Variants in ZNF736 observed in about 807,000 individuals in gnomAD.
ZNF736 encodes the protein KRAB-containing zinc-finger repressor protein.
In ZNF736, 6 loss-of-function variants were observed where a neutral mutation model predicts 11.7. The observed-to-expected ratio is 0.51, with a 90% CI of 0.28 to 1.01. The LOEUF (loss-of-function observed/expected upper bound fraction) is 1.01, where lower values mean the gene tolerates loss of function less well. ZNF736 is among the 50% of genes least tolerant of loss of function. ZNF736 has a pLI of 0.09. For missense variants in ZNF736, 444 were observed against 496.0 expected (o/e 0.90, Z 1.00); for synonymous variants, 139 against 164.7 (o/e 0.84, Z 1.19).
chr7:64,345,670 G>A (rs1789400251), intron 3 of ZNF736, among the ~76,000 whole-genome samples: 1 of 142,106 alleles, frequency 7.0e-6, no homozygotes, highest in African/African-American at 2.6e-5. Flanking sequence ...GGAGGTGGAG[G>A]TTGCAGTGAG....
intron 1 of ZNF736, among the ~76,000 whole-genome samples, chr7:64,328,478 C>T (rs1789112250): frequency 6.6e-6 from 1 of 152,016 alleles, no homozygotes. Flanking sequence ...TTCAGGTAGT[C>T]GGCCGGGCGC....
intron 1 of ZNF736, among the ~76,000 whole-genome samples, chr7:64,332,730 T>TC (rs901410382): frequency 4.0e-5 from 6 of 151,764 alleles, no homozygotes; most frequent in African/African-American, 7.3e-5. Context: ...TTTATAGACC[T>TC]CCCCCCAGGA....
intron 1 of ZNF736, among the ~76,000 whole-genome samples, chr7:64,319,876 A>G (rs930757132): frequency 6.6e-6 from 1 of 151,878 alleles, no homozygotes; most frequent in African/African-American, 2.4e-5. Flanking sequence ...AATTTTGGAG[A>G]TGGGGCATTT....
chr7:64,352,898 C>G lies in ZNF736; in HGVS notation c.*3751C>G, dbSNP rs1413395981. On this transcript the variant is annotated 3_prime_UTR_variant, in exon 4 of 4. Transcript: ENST00000423484. ...TTGGCTGGAATCTAAGCCAGTAGGT[C>G]TTACCACGTGAGGCATTGTTGAAGT... 4 of 152,432 alleles carry G rather than the reference C, an allele frequency of 2.6e-5. No homozygotes were observed. Among genetic ancestry groups the G allele is most frequent in the Non-Finnish European group, 5.9e-5 (4 of 68,114 alleles). 9.4% of individuals were successfully genotyped at this position (152,432 alleles called of 1,614,324 possible).
chr7:64,322,608 TAA>T (rs1321379092), intron 1 of ZNF736, among the ~76,000 whole-genome samples: 1 of 152,158 alleles, frequency 6.6e-6, no homozygotes, highest in Non-Finnish European at 1.5e-5. Context: ...AAGTTCGCTT[TAA>T]AAAGGACCTG....
Position 64,354,406 on chromosome 7 carries a change from T to C in ZNF736, c.*5259T>C, listed in dbSNP as rs1186738051. ...TGAGAAGAAAAGAAAAATATTAGAA[T>C]GAACAGATAATTTTACAAGTGTTGA... On this transcript the variant is annotated 3_prime_UTR_variant, in exon 4 of 4. Coordinates refer to ENST00000423484, the MANE Select transcript of ZNF736 (RefSeq NM_001170905.3). 2.6e-5 allele frequency: 4 copies of C among 152,206 alleles called. No homozygotes were observed. Among genetic ancestry groups the C allele is most frequent in the Non-Finnish European group, 5.9e-5 (4 of 68,012 alleles). 9.4% of individuals were successfully genotyped at this position (152,206 alleles called of 1,614,324 possible).
chr7:64,338,484 T>G (rs1322667919), intron 3 of ZNF736, among the ~76,000 whole-genome samples: 3 of 152,186 alleles, frequency 2.0e-5, no homozygotes, highest in Non-Finnish European at 4.4e-5. Flanking sequence ...TTGTACCATT[T>G]GAACAACATA....
At chr7:64,342,508 A>G (rs542609567) in intron 3 of ZNF736, among the ~76,000 whole-genome samples, 2 of 152,294 alleles carry the variant, frequency 1.3e-5, no homozygotes, top group South Asian at 4.1e-4. Context: ...CACTAATACC[A>G]TAGGTTACTT....
chr7:64,336,455 G>T, intron 2 of ZNF736, 70 bp downstream of exon 2: 1 of 1,454,464 alleles, frequency 6.9e-7, no homozygotes, highest in South Asian at 1.5e-5. Flanking sequence ...TTTTTTTGGA[G>T]GTTCTGCTTT....
rs1007906663 is a variant in ZNF736, at chr7:64,354,087, T to C, written c.*4940T>C. The C allele has an allele frequency of 3.9e-5, 6 of 152,202 alleles. No individual in the cohort carries two copies. Among genetic ancestry groups the C allele is most frequent in the African/African-American group, 1.4e-4 (6 of 41,456 alleles). The allele number at this position is 152,202 out of a possible 1,614,324, so 9.4% of individuals were successfully genotyped here. A position where few individuals can be genotyped will look rare whatever the true frequency, so the allele number is the denominator to read the frequency against. On this transcript the variant is annotated 3_prime_UTR_variant, in exon 4 of 4. Transcript: ENST00000423484. ...TTAAAATAATTTAGAGAATATGGTT[T>C]CTACAACTTACATTTTTGTTTACTT... is the stretch of plus-strand genomic sequence containing the variant.
intron 1 of ZNF736, among the ~76,000 whole-genome samples, chr7:64,327,731 A>G (rs1156628719): frequency 6.6e-6 from 1 of 152,176 alleles, no homozygotes; most frequent in Admixed American, 6.5e-5. Context: ...TGAGGTTACC[A>G]TGAGGCTTGC....
In ZNF736 at chr7:64,349,225, A is replaced by ATTTTCTCAGCATTTGCT; in HGVS notation, c.*79_*80insTTTCTCAGCATTTGCTT. ...TTAATACTGAACAAATGCAGTATAAATGTAATGACAGTGGAAGAACATTTA... is the reference window on the plus strand; with the variant it reads ...TTAATACTGAACAAATGCAGTATAAATTTTCTCAGCATTTGCTTGTAATGACAGTGGAAGAACATTTA... On this transcript the variant is annotated 3_prime_UTR_variant, in exon 4 of 4. Transcript: ENST00000423484. 1.7e-6 allele frequency: 2 copies of ATTTTCTCAGCATTTGCT among 1,208,320 alleles called. No homozygotes were observed. Among genetic ancestry groups the ATTTTCTCAGCATTTGCT allele is most frequent in the Non-Finnish European group, 2.2e-6 (2 of 890,718 alleles). The allele number at this position is 1,208,320 out of a possible 1,614,324, so 74.8% of individuals were successfully genotyped here.
intron 1 of ZNF736, 25 bp downstream of exon 1, chr7:64,314,178 G>A (rs1289685663): frequency 3.9e-6 from 6 of 1,551,540 alleles, no homozygotes; most frequent in African/African-American, 1.4e-5. Flanking sequence ...TGGGTGTCCC[G>A]AGAATGGGGA....
chr7:64,325,274 G>T (rs899950387), intron 1 of ZNF736, among the ~76,000 whole-genome samples: 1 of 151,762 alleles, frequency 6.6e-6, no homozygotes, highest in African/African-American at 2.4e-5. Flanking sequence ...TTTGTTTTTC[G>T]CCTGTAGAAA....
At chr7:64,326,396 C>G (rs1359676914) in intron 1 of ZNF736, among the ~76,000 whole-genome samples, 1 of 152,174 alleles carries the variant, frequency 6.6e-6, no homozygotes, top group Non-Finnish European at 1.5e-5. Context: ...CCATTCCAGC[C>G]CCATCTTTCA....
rs1789519729 is a variant in ZNF736, at chr7:64,353,699, C to CTCA, written c.*4553_*4554insCAT. On this transcript the variant is annotated 3_prime_UTR_variant, in exon 4 of 4. Coordinates refer to ENST00000423484, the MANE Select transcript of ZNF736 (RefSeq NM_001170905.3). ...GAAGAAATTCTAAGTGGAAAGGCCA[C>CTCA]TTATTAGTTTACAGCAGTATCGTAA... 5 of 22,420 alleles carry CTCA rather than the reference C, an allele frequency of 2.2e-4. No homozygotes were observed. In the South Asian group the frequency reaches 3.4e-3, roughly 15 times the overall value. 1.4% of individuals were successfully genotyped at this position (22,420 alleles called of 1,614,324 possible). A position where few individuals can be genotyped will look rare whatever the true frequency, so the allele number is the denominator to read the frequency against.
At chr7:64,330,370 G>C (rs1789146968) in intron 1 of ZNF736, among the ~76,000 whole-genome samples, 1 of 152,036 alleles carries the variant, frequency 6.6e-6, no homozygotes, top group South Asian at 2.1e-4. Flanking sequence ...TGTTAGCCAG[G>C]ATGGTCTCCA....
At position 64,355,380 on chromosome 7, in the gene ZNF736, T is replaced by A. The variant is rs1789540078; in HGVS notation, c.*6233T>A. 1.3e-5 allele frequency: 1 copy of A among 76,600 alleles called. No individual in the cohort carries two copies. The highest frequency in any genetic ancestry group is 3.1e-5 in the Non-Finnish European group (1 of 31,856). 4.7% of individuals were successfully genotyped at this position (76,600 alleles called of 1,614,324 possible). On this transcript the variant is annotated 3_prime_UTR_variant, in exon 4 of 4. Transcript: ENST00000423484. ...TTTCAAGTAGATTTAATTCTAGATCTTTTTTTTTTTTTCTTTTTTTGAGAT... is the reference window on the plus strand; with the variant it reads ...TTTCAAGTAGATTTAATTCTAGATCATTTTTTTTTTTTCTTTTTTTGAGAT...
At chr7:64,343,584 A>C (rs1789368528) in intron 3 of ZNF736, among the ~76,000 whole-genome samples, 1 of 152,236 alleles carries the variant, frequency 6.6e-6, no homozygotes, top group Non-Finnish European at 1.5e-5. Context: ...AAACAAAAAT[A>C]CCAAAATATG....
Sources: gnomAD v4.1 joint callset for allele counts (sites outside exome capture counted in the v4.1 genomes callset) on GRCh38, gnomAD v4.1.1 for gene constraint, MANE v1.5 for transcripts, NCBI Gene and HGNC (gene_info 2026-07-23, HGNC 2026-07-21) for gene names.